DMXL1: variants seen among roughly 807,000 people sequenced by gnomAD.
DMXL1 encodes the protein dmX-like protein 1.
In DMXL1, 99 loss-of-function variants were observed where a neutral mutation model predicts 319.2. That is an observed-to-expected ratio of 0.31 (90% CI 0.26 to 0.37). DMXL1 has a LOEUF of 0.37. Among genes scored for constraint, DMXL1 ranks in the 10% least tolerant of loss-of-function variants. The pLI, the probability that DMXL1 is intolerant of heterozygous loss-of-function variation, is 1.00. For synonymous variants in DMXL1, 1,385 were observed against 1,235.2 expected, an observed-to-expected ratio of 1.12 and a Z score of -2.54; for missense variants, 3,745 against 3,595.6, an observed-to-expected ratio of 1.04 and a Z score of -1.06.
chr5:119,231,226 C>T (rs574022728), intron 38 of DMXL1, among the ~76,000 whole-genome samples: 6 of 152,182 alleles, frequency 3.9e-5, no homozygotes, highest in Non-Finnish European at 8.8e-5. Flanking sequence ...TAAATATACT[C>T]ATTTCTCTAG....
At position 119,203,368 on chromosome 5, in the gene DMXL1, G is replaced by A. The variant is rs780375045; in HGVS notation, c.7795G>A (p.Val2599Met). The change falls in exon 33 of 44, where the codon GTG becomes ATG. Residue 2599 changes from valine to methionine, a missense_variant. This residue lies in a region of DMXL1 where 1,382 missense variants were observed against 1,269.5 expected (regional missense o/e 1.09). Coordinates refer to ENST00000539542, the MANE Select transcript of DMXL1 (RefSeq NM_001290321.3). Reference sequence around the variant, plus strand: ...TGTGAAGAGGCTTTGGCAGTATTTGGTGAAGCAGGAAGAAATTCAGGAAAC... The same window carrying A: ...TGTGAAGAGGCTTTGGCAGTATTTGATGAAGCAGGAAGAAATTCAGGAAAC... ...LSVKRLWQYL[V>M]KQEEIQETFI... 3.1e-6 allele frequency: 5 copies of A among 1,607,250 alleles called. No homozygotes were observed. The highest frequency in any genetic ancestry group is 4.2e-6 in the Non-Finnish European group (5 of 1,177,226).
At chr5:119,194,205 C>G (rs1779196856) in intron 30 of DMXL1, among the ~76,000 whole-genome samples, 1 of 152,056 alleles carries the variant, frequency 6.6e-6, no homozygotes, top group Admixed American at 6.5e-5. Flanking sequence ...CTTTCCTTAA[C>G]AATAATTTAT....
chr5:119,217,484 G>T (rs977960457), intron 35 of DMXL1, among the ~76,000 whole-genome samples: 8 of 152,072 alleles, frequency 5.3e-5, no homozygotes, highest in Admixed American at 5.2e-4. Flanking sequence ...AGAAGAGGTG[G>T]CCTTAGGTAC....
chr5:119,102,283 A>G (rs1757436914), intron 3 of DMXL1: 2 of 258,540 alleles, frequency 7.7e-6, no homozygotes, highest in South Asian at 1.1e-4. Context: ...AAAGTTTGGC[A>G]CTACTTTATT....
intron 2 of DMXL1, 58 bp downstream of exon 2, chr5:119,098,162 A>G: frequency 1.2e-5 from 18 of 1,535,828 alleles, no homozygotes; most frequent in Non-Finnish European, 1.5e-5. Context: ...TGTCAGGATA[A>G]TCTCTGAAGT....
At chr5:119,198,497 C>T (rs1022733618) in intron 32 of DMXL1, among the ~76,000 whole-genome samples, 7 of 152,268 alleles carry the variant, frequency 4.6e-5, no homozygotes, top group South Asian at 2.1e-4. Context: ...TGCTCTAGAA[C>T]GATGCTTTTC....
At chr5:119,092,503 A>G (rs979336836) in intron 1 of DMXL1, among the ~76,000 whole-genome samples, 3 of 152,190 alleles carry the variant, frequency 2.0e-5, no homozygotes, top group Non-Finnish European at 4.4e-5. Context: ...TTATTGAAAT[A>G]TAATTTACAT....
chr5:119,165,364 T>C (rs1222535820), intron 21 of DMXL1, 84 bp downstream of exon 21: 1 of 719,944 alleles, frequency 1.4e-6, no homozygotes, highest in African/African-American at 1.8e-5. Context: ...AGATTTGTTG[T>C]TCTTGTTGAT....
At chr5:119,113,021 G>A (rs1462956394) in intron 5 of DMXL1, among the ~76,000 whole-genome samples, 6 of 152,116 alleles carry the variant, frequency 3.9e-5, no homozygotes, top group Non-Finnish European at 4.4e-5. Flanking sequence ...TTAACCAGAT[G>A]TTCTAAAAAT....
At position 119,235,231 on chromosome 5, in the gene DMXL1, G is replaced by T. The variant is rs534373108; in HGVS notation, c.8466+1764G>T. On this transcript the variant is annotated intron_variant, in intron 39 of 43. Transcript: ENST00000539542. ...AGAAAAACTAAGTGTCTGGAAAGGG[G>T]TATTAAGCAGAATAAATAATAAATA... 8.5e-5 allele frequency among the ~76,000 whole-genome samples: 13 copies of T among 152,188 alleles called. No individual in the cohort carries two copies. In the East Asian group the frequency reaches 2.1e-3, roughly 25 times the overall value.
At chr5:119,113,420 T>C (rs1166854434) in intron 5 of DMXL1, among the ~76,000 whole-genome samples, 1 of 152,132 alleles carries the variant, frequency 6.6e-6, no homozygotes, top group Non-Finnish European at 1.5e-5. Flanking sequence ...TTTTTGTATT[T>C]TTAGCAGAGA....
At chr5:119,127,848 G>C (rs1312784509) in intron 9 of DMXL1, 1 of 310,640 alleles carries the variant, frequency 3.2e-6, no homozygotes, top group Non-Finnish European at 6.6e-6. Flanking sequence ...TTAAACTATT[G>C]GCATTTCTCT....
At chr5:119,216,464 G>C (rs1171513705) in intron 34 of DMXL1, among the ~76,000 whole-genome samples, 1 of 152,024 alleles carries the variant, frequency 6.6e-6, no homozygotes. Flanking sequence ...ATTTTTAAAG[G>C]GTTTGGAAAA....
intron 13 of DMXL1, among the ~76,000 whole-genome samples, chr5:119,134,967 T>C (rs1264197216): frequency 6.6e-6 from 1 of 152,274 alleles, no homozygotes; most frequent in Non-Finnish European, 1.5e-5. Context: ...AGCCTTCGGC[T>C]GTACCAAGCT....
intron 39 of DMXL1, among the ~76,000 whole-genome samples, chr5:119,234,060 T>C (rs969814586): frequency 6.6e-6 from 1 of 152,156 alleles, no homozygotes; most frequent in African/African-American, 2.4e-5. Context: ...AAAGACCTTA[T>C]AGCTGGCAAA....
At chr5:119,235,545 A>G (rs955117893) in intron 39 of DMXL1, among the ~76,000 whole-genome samples, 8 of 152,110 alleles carry the variant, frequency 5.3e-5, no homozygotes, top group Non-Finnish European at 8.8e-5. Flanking sequence ...AGGAAAAACA[A>G]TATTCAAAGG....
chr5:119,243,171 T>A (rs1403160360), intron 42 of DMXL1, among the ~76,000 whole-genome samples: 1 of 152,214 alleles, frequency 6.6e-6, no homozygotes, highest in Non-Finnish European at 1.5e-5. Context: ...GGTATATACT[T>A]AAAAAGTGTG....
chr5:119,225,754 G>T (rs1785430918), intron 38 of DMXL1, among the ~76,000 whole-genome samples: 1 of 152,062 alleles, frequency 6.6e-6, no homozygotes, highest in African/African-American at 2.4e-5. Context: ...ACTTATGCTA[G>T]AGGTATAACA....
Position 119,080,346 on chromosome 5 carries a change from C to G in DMXL1, c.87+8690C>G, listed in dbSNP as rs556302557. 4.6e-5 allele frequency among the ~76,000 whole-genome samples: 7 copies of G among 152,202 alleles called. No individual in the cohort carries two copies. In the South Asian group the frequency reaches 8.3e-4, roughly 18 times the overall value. On this transcript the variant is annotated intron_variant, in intron 1 of 43. Coordinates refer to ENST00000539542, the MANE Select transcript of DMXL1 (RefSeq NM_001290321.3). ...TGGGCGACAGAGCAAGACTTCGTCT[C>G]AAAAATAATATAAGTAAAATAAAGT...
Sources: gnomAD v4.1 joint callset for allele counts (sites outside exome capture counted in the v4.1 genomes callset) on GRCh38, gnomAD v4.1.1 for gene constraint, gnomAD v4.1.1 regional missense constraint, MANE v1.5 for transcripts, NCBI Gene and HGNC (gene_info 2026-07-23, HGNC 2026-07-21) for gene names.